Variants in NAV3 observed in about 807,000 individuals in gnomAD.
NAV3 encodes the protein neuron navigator 3, also known as pore membrane and/or filament interacting like protein 1.
NAV3 carries 87 observed loss-of-function variants against 244.7 expected under a neutral mutation model. That is an observed-to-expected ratio of 0.36 (90% confidence interval 0.30 to 0.42). NAV3 has a LOEUF of 0.42. Among genes scored for constraint, NAV3 ranks in the 20% least tolerant of loss-of-function variants. The probability of loss-of-function intolerance (pLI) is 1.00; values close to 1 mark genes in which losing one functional copy is unlikely to be tolerated. For synonymous variants in NAV3, 1,126 were observed against 1,042.2 expected (o/e 1.08, Z -1.55); for missense variants, 2,663 against 2,893.3 (o/e 0.92, Z 1.83).
At chr12:78,151,685 T>C (rs925994676) in intron 22 of NAV3, among the ~76,000 whole-genome samples, 2 of 151,728 alleles carry the variant, frequency 1.3e-5, no homozygotes, top group South Asian at 4.1e-4. Flanking sequence ...TAGTTTTGTA[T>C]TTTGAATGAG....
intron 9 of NAV3, among the ~76,000 whole-genome samples, chr12:78,040,324 T>G (rs936815327): frequency 6.6e-6 from 1 of 152,124 alleles, no homozygotes; most frequent in African/African-American, 2.4e-5. Flanking sequence ...AGGAGGGCAG[T>G]GTCATAAGTG....
chr12:78,095,064 TACACACACACACACACACACACAC>T (rs56856471), intron 12 of NAV3, among the ~76,000 whole-genome samples: 48 of 137,390 alleles, frequency 3.5e-4, no homozygotes, highest in Non-Finnish European at 6.2e-4. Flanking sequence ...TATATATATA[TACACACACACACACACACACACAC>T]ATATATATAT....
intron 2 of NAV3, among the ~76,000 whole-genome samples, chr12:77,748,220 A>T (rs966076834): frequency 2.9e-4 from 44 of 152,266 alleles, no homozygotes; most frequent in African/African-American, 9.6e-4. Flanking sequence ...ACAATCTGTG[A>T]TTTTTGGTGG....
At chr12:77,809,723 A>T (rs748600303) in intron 2 of NAV3, among the ~76,000 whole-genome samples, 1 of 152,210 alleles carries the variant, frequency 6.6e-6, no homozygotes, top group Non-Finnish European at 1.5e-5. Flanking sequence ...TTCAAAATAA[A>T]ACATACGTCA....
intron 1 of NAV3, among the ~76,000 whole-genome samples, chr12:77,931,221 C>G (rs568674790): frequency 6.6e-6 from 1 of 152,070 alleles, no homozygotes; most frequent in Non-Finnish European, 1.5e-5. Context: ...ATCCTTCCAG[C>G]CTTTCAGCTT....
chr12:78,097,592 T>C (rs141742989), intron 12 of NAV3, among the ~76,000 whole-genome samples: 1 of 152,350 alleles, frequency 6.6e-6, no homozygotes, highest in East Asian at 1.9e-4. Context: ...GGAATGTTTT[T>C]ATTATAATAC....
intron 1 of NAV3, among the ~76,000 whole-genome samples, chr12:77,855,055 A>T (rs1274150779): frequency 6.6e-6 from 1 of 152,176 alleles, no homozygotes; most frequent in African/African-American, 2.4e-5. Context: ...TGAACCCAGG[A>T]GGCGGAGCTT....
intron 2 of NAV3, among the ~76,000 whole-genome samples, chr12:77,783,019 CATT>C (rs781011287): frequency 3.2e-4 from 48 of 151,572 alleles, no homozygotes; most frequent in Non-Finnish European, 5.7e-4. Flanking sequence ...TTGTTTTTCT[CATT>C]ATGTTGTTTG....
At chr12:77,583,281 TGTTAGGTAC>T (rs1241880098) in intron 2 of NAV3, among the ~76,000 whole-genome samples, 3 of 152,218 alleles carry the variant, frequency 2.0e-5, no homozygotes, top group Non-Finnish European at 4.4e-5. Flanking sequence ...TAGACAATAT[TGTTAGGTAC>T]GATGTAGCAG....
chr12:77,756,418 C>T (rs1749860367), intron 2 of NAV3, among the ~76,000 whole-genome samples: 1 of 151,786 alleles, frequency 6.6e-6, no homozygotes. Context: ...TTTTTCTACT[C>T]AGTTTGTTGT....
At chr12:77,816,777 C>T (rs1295614540) in intron 2 of NAV3, among the ~76,000 whole-genome samples, 3 of 137,724 alleles carry the variant, frequency 2.2e-5, no homozygotes, top group African/African-American at 7.4e-5. Flanking sequence ...TATCAATATG[C>T]AGAAATGCAA....
chr12:77,646,679 G>C (rs180784960), intron 2 of NAV3, among the ~76,000 whole-genome samples: 1 of 152,104 alleles, frequency 6.6e-6, no homozygotes, highest in African/African-American at 2.4e-5. Context: ...CCAGGTGCGA[G>C]TCTGGGAGGA....
rs1243439650 is a variant in NAV3 at position 78,122,217 on chromosome 12, G to A, written c.4027G>A (p.Gly1343Ser). Residue 1343 changes from glycine (G) to serine (S), a missense_variant, in exon 16 of 40, where the codon GGT (glycine) becomes AGT (serine). Physicochemically the swap from Gly to Ser is moderately conservative, Grantham distance 56 (BLOSUM62 0). Transcript: ENST00000397909. ...PASVHSFTSG[G>S]LVWAANMSSS... ...ATCGGTTCACTCTTTCACATCAGGTGGTCTCGTGTGGGCTGCCAATATGAG... is the reference window on the plus strand; with the variant it reads ...ATCGGTTCACTCTTTCACATCAGGTAGTCTCGTGTGGGCTGCCAATATGAG... 2 of 1,614,140 alleles carry A rather than the reference G, an allele frequency of 1.2e-6. No homozygotes were observed. Among genetic ancestry groups the A allele is most frequent in the Admixed American group, 1.7e-5 (1 of 60,018 alleles).
In NAV3 at chr12:78,159,174, A is replaced by C. The variant is rs372011451; in HGVS notation, c.4786-29A>C. 4 of 1,591,414 alleles carry C rather than the reference A, an allele frequency of 2.5e-6. No homozygotes were observed. In the African/African-American group the frequency reaches 5.4e-5, roughly 22 times the overall value. On this transcript the variant is annotated intron_variant, in intron 22 of 39. Coordinates refer to ENST00000397909, the MANE Select transcript of NAV3 (RefSeq NM_001024383.2). ...CCATCCACATAAGATTCTGACATTT[A>C]AACTATGTTTCTTCCATTCTGTTCA...
At position 77,873,695 on chromosome 12, in the gene NAV3, A is replaced by ATGTG. The variant is rs1161150006; in HGVS notation, c.243+41992_243+41993insGTGT. The stretch of plus-strand genomic sequence containing the variant: ...TTTGTATGTGTATATATATATATAT[A>ATGTG]TATATATATATATACATGATTTGCT... On this transcript the variant is annotated intron_variant, in intron 1 of 39. Transcript: ENST00000397909. Among the ~76,000 whole-genome samples, 189 of 99,958 alleles carry ATGTG rather than the reference A, an allele frequency of 1.9e-3. 5 individuals are homozygous for ATGTG. Among genetic ancestry groups the ATGTG allele is most frequent in the African/African-American group, 7.9e-3 (184 of 23,152 alleles). The allele number at this position is 99,958 out of a possible 152,430, so 65.6% of individuals were successfully genotyped here. A position where few individuals can be genotyped will look rare whatever the true frequency, so the allele number is the denominator to read the frequency against.
intron 2 of NAV3, among the ~76,000 whole-genome samples, chr12:77,572,841 C>T (rs2136645070): frequency 6.6e-6 from 1 of 152,308 alleles, no homozygotes; most frequent in African/African-American, 2.4e-5. Context: ...TAAAAGAAAG[C>T]GTTTAGCGAG....
At chr12:78,096,096 G>C (rs1404781083) in intron 12 of NAV3, among the ~76,000 whole-genome samples, 1 of 152,168 alleles carries the variant, frequency 6.6e-6, no homozygotes, top group African/African-American at 2.4e-5. Context: ...AGGTAAGACA[G>C]AGTAGTATTA....
intron 9 of NAV3, among the ~76,000 whole-genome samples, chr12:78,041,987 G>A (rs544897709): frequency 1.1e-4 from 17 of 150,676 alleles, no homozygotes; most frequent in Admixed American, 2.0e-4. Context: ...CTTCCCAGCC[G>A]TCCCATCTAC....
chr12:78,151,803 A>G (rs1262347963), intron 22 of NAV3, among the ~76,000 whole-genome samples: 1 of 151,104 alleles, frequency 6.6e-6, no homozygotes, highest in Non-Finnish European at 1.5e-5. Context: ...TCATTGGGGG[A>G]AACTGGATGA....
Sources: allele counts gnomAD v4.1 joint callset (sites outside exome capture counted in the v4.1 genomes callset), GRCh38; gene constraint gnomAD v4.1.1; transcripts MANE v1.5; gene names NCBI Gene and HGNC (gene_info 2026-07-23, HGNC 2026-07-21).